The following TRIM77 variants were observed in gnomAD, a reference collection of about 807,000 sequenced individuals.
TRIM77 encodes the protein tripartite motif-containing protein 77.
Under a neutral mutation model 31.8 loss-of-function variants are expected in TRIM77, and 23 were observed. That is an observed-to-expected ratio of 0.72 (90% CI 0.52 to 1.02). The LOEUF is 1.02. Among genes scored for constraint, TRIM77 ranks in the 50% least tolerant of loss-of-function variants. TRIM77 has a pLI of 0.00. For missense variants in TRIM77, 446 were observed against 539.2 expected, an observed-to-expected ratio of 0.83 and a Z score of 1.71; for synonymous variants, 159 against 183.1, an observed-to-expected ratio of 0.87 and a Z score of 1.06.
At position 89,715,142 on chromosome 11, in the gene TRIM77, C is replaced by T; in HGVS notation, c.739-16C>T. ...ATGTTGTGCTGCAAACTAAGCAATC[C>T]TCTCTCTCTTTATAGGATTTGGGAG... On this transcript the variant is annotated splice_polypyrimidine_tract_variant and intron_variant, in intron 3 of 5. Transcript: ENST00000398290. 6.4e-7 allele frequency: 1 copy of T among 1,550,566 alleles called. No individual in the cohort carries two copies. The highest frequency in any genetic ancestry group is 8.7e-7 in the Non-Finnish European group (1 of 1,146,106).
Position 89,710,334 on chromosome 11 carries a change from G to T in TRIM77, c.36G>T (p.Glu12Asp), listed in dbSNP as rs1223759806. The T allele has an allele frequency of 4.5e-6, 7 of 1,542,164 alleles. No homozygotes were observed. Among genetic ancestry groups the T allele is most frequent in the Middle Eastern group, 1.7e-4 (1 of 5,994 alleles). Residue 12 changes from glutamate to aspartate, a missense_variant, in exon 1 of 6, where the codon GAG becomes GAT. Around this residue, in one of 3 missense-constraint regions of TRIM77, gnomAD observed 72 missense variants for 64.7 expected, o/e 1.11. Coordinates refer to ENST00000398290, the MANE Select transcript of TRIM77 (RefSeq NM_001146162.1). Reference sequence around the variant, plus strand: ...CTATCACGCAGTGTTCTACCAGTGAGCTCACCTGCTCGATCTGCACAGACT... The same window carrying T: ...CTATCACGCAGTGTTCTACCAGTGATCTCACCTGCTCGATCTGCACAGACT... ...ASAITQCSTS[E>D]LTCSICTDYL...
Position 89,710,611 on chromosome 11 carries a change from G to C in TRIM77, c.313G>C (p.Glu105Gln). 1 of 1,551,458 alleles carries C rather than the reference G, an allele frequency of 6.4e-7. No homozygotes were observed. The highest frequency in any genetic ancestry group is 8.7e-7 in the Non-Finnish European group (1 of 1,146,844). Reference sequence around the variant, plus strand: ...CCAGGAAATCAAGAACCTCATCTGTGAAACTGATAGGAGCCTGCTGTGTTT... The same window carrying C: ...CCAGGAAATCAAGAACCTCATCTGTCAAACTGATAGGAGCCTGCTGTGTTT... ...RHQEIKNLIC[E>Q]TDRSLLCFLC... Residue 105 changes from glutamate (E) to glutamine (Q), a missense_variant, in exon 1 of 6, where the codon GAA becomes CAA. Glu to Gln is a conservative substitution (Grantham distance 29, BLOSUM62 2). Transcript: ENST00000398290.
At chr11:89,714,122 G>A in intron 2 of TRIM77, 70 bp from the exon 3 acceptor site, 1 of 1,010,408 alleles carries the variant, frequency 9.9e-7, no homozygotes, top group Non-Finnish European at 1.5e-6. Flanking sequence ...ATGAAACAAA[G>A]CAGAATAGCT....
At chr11:89,715,840 T>G in intron 4 of TRIM77, 50 bp from the exon 5 acceptor site, 1 of 1,255,224 alleles carries the variant, frequency 8.0e-7, no homozygotes, top group Non-Finnish European at 1.1e-6. Flanking sequence ...AGTGGATTGC[T>G]AATGATTCCT....
At position 89,710,706 on chromosome 11, in the gene TRIM77, T is replaced by C. The variant is rs1197343920; in HGVS notation, c.408T>C (p.Tyr136=). 1.1e-5 allele frequency: 17 copies of C among 1,525,636 alleles called. No homozygotes were observed. The South Asian group carries it at 1.1e-4, about 10-fold the overall frequency. 94.5% of individuals were successfully genotyped at this position (1,525,636 alleles called of 1,614,324 possible). A position where few individuals can be genotyped will look rare whatever the true frequency, so the allele number is the denominator to read the frequency against. ...TGACAAGGGAGGCTGATGAATACTA[T>C]AGGGTAAGTAAATGCTACTGATTGC... The part of the protein sequence containing the change: ...HYMTREADEY[Y]RKKLLIQMKS... The change falls in exon 1 of 6, where the codon TAT becomes TAC. Residue 136 remains tyrosine, a synonymous_variant. Transcript: ENST00000398290.
intron 1 of TRIM77, among the ~76,000 whole-genome samples, chr11:89,710,943 A>T (rs576538803): frequency 6.6e-6 from 1 of 152,306 alleles, no homozygotes; most frequent in Non-Finnish European, 1.5e-5. Flanking sequence ...GAGAAGAATG[A>T]TGATAAAGTT....
At chr11:89,710,816 T>C (rs1268397917) in intron 1 of TRIM77, 107 bp downstream of exon 1, 20 of 993,466 alleles carry the variant, frequency 2.0e-5, no homozygotes, top group Non-Finnish European at 2.7e-5. Flanking sequence ...TTTTATGCAA[T>C]AAACAAACAG....
chr11:89,714,432 G>T lies in TRIM77; in HGVS notation c.738+10G>T. 6.5e-7 allele frequency: 1 copy of T among 1,541,628 alleles called. No individual in the cohort carries two copies. The highest frequency in any genetic ancestry group is 1.2e-5 in the South Asian group (1 of 83,506). ...TGTGAACCTGCCTCAGGTAAAAACT[G>T]AAGGAGATCAGGGTGCTGAACACCA... On this transcript the variant is annotated intron_variant, in intron 3 of 5. Coordinates refer to ENST00000398290, the MANE Select transcript of TRIM77 (RefSeq NM_001146162.1).
chr11:89,714,937 C>T (rs1949149673), intron 3 of TRIM77, among the ~76,000 whole-genome samples: 2 of 152,156 alleles, frequency 1.3e-5, no homozygotes, highest in Admixed American at 1.3e-4. Context: ...GTCCATCTGA[C>T]TATGTTTCAT....
Position 89,715,065 on chromosome 11 carries a change from C to T in TRIM77, c.739-93C>T, listed in dbSNP as rs960352222. On this transcript the variant is annotated intron_variant, in intron 3 of 5. Transcript: ENST00000398290. Reference sequence around the variant, plus strand: ...AGGAAAGTGGAAGACGTTAAGTTTTCCAATTCAGTCCATATCCTCAGACTG... The same window carrying T: ...AGGAAAGTGGAAGACGTTAAGTTTTTCAATTCAGTCCATATCCTCAGACTG... The T allele has an allele frequency of 5.6e-6, 7 of 1,247,420 alleles. No homozygotes were observed. In the African/African-American group the frequency reaches 1.1e-4, roughly 19 times the overall value. The allele number at this position is 1,247,420 out of a possible 1,614,324, so 77.3% of individuals were successfully genotyped here. A position where few individuals can be genotyped will look rare whatever the true frequency, so the allele number is the denominator to read the frequency against.
intron 1 of TRIM77, among the ~76,000 whole-genome samples, chr11:89,711,117 G>C (rs1245350097): frequency 1.3e-5 from 2 of 152,126 alleles, no homozygotes; most frequent in Non-Finnish European, 2.9e-5. Flanking sequence ...GATAAGTTGA[G>C]GGCTAGCATT....
chr11:89,715,929 C>A lies in TRIM77; in HGVS notation c.801C>A (p.Asn267Lys), dbSNP rs1190410578. ...GGCTGGCCATGCCTCAGCCTGTGAA[C>A]CCACAGCTCAGTGCATGGACCATCA... Reference protein sequence around the residue: ...FLRLAMPQPVNPQLSAWTITG... With the variant: ...FLRLAMPQPVKPQLSAWTITG... The change falls in exon 5 of 6, where the codon AAC becomes AAA. Residue 267 changes from asparagine (N) to lysine (K), a missense_variant. Asn to Lys is a moderately conservative substitution (Grantham distance 94). This residue lies in a region of TRIM77 where 366 missense variants were observed against 447.9 expected (regional missense o/e 0.82). Coordinates refer to ENST00000398290, the MANE Select transcript of TRIM77 (RefSeq NM_001146162.1). 6.5e-7 allele frequency: 1 copy of A among 1,546,232 alleles called. No homozygotes were observed. Among genetic ancestry groups the A allele is most frequent in the Non-Finnish European group, 8.8e-7 (1 of 1,142,854 alleles).
Position 89,711,442 on chromosome 11 carries a change from G to GAA in TRIM77, c.452_453dup (p.Gln152AsnfsTer8). The GAA allele has an allele frequency of 1.9e-5, 27 of 1,424,198 alleles. No homozygotes were observed. Among genetic ancestry groups the GAA allele is most frequent in the South Asian group, 4.2e-5 (3 of 72,136 alleles). The allele number at this position is 1,424,198 out of a possible 1,614,324, so 88.2% of individuals were successfully genotyped here. On this transcript the variant is annotated frameshift_variant, in exon 2 of 6. Transcript: ENST00000398290. LOFTEE classifies it high-confidence loss of function. ...TCCTGATTCAAATGAAGTCCATCTG[G>GAA]AAAAAAAAACAGAAAAATCAAAGAA...
intron 2 of TRIM77, among the ~76,000 whole-genome samples, chr11:89,712,166 G>C (rs1424383630): frequency 6.6e-6 from 1 of 152,132 alleles, no homozygotes; most frequent in African/African-American, 2.4e-5. Flanking sequence ...TATTCTCAAA[G>C]ATCTCAAGCA....
chr11:89,717,742 G>C lies in TRIM77; in HGVS notation c.1223G>C (p.Gly408Ala). Residue 408 changes from glycine (G) to alanine (A), a missense_variant, in exon 6 of 6, where the codon GGG becomes GCG. Physicochemically the swap from Gly to Ala is moderately conservative, Grantham distance 60. Transcript: ENST00000398290. ...HYIPRPQGWL[G>A]VFLDYECGIV... Reference sequence around the variant, plus strand: ...ATTCCAAGGCCCCAAGGCTGGCTAGGGGTGTTCCTGGATTATGAATGTGGG... The same window carrying C: ...ATTCCAAGGCCCCAAGGCTGGCTAGCGGTGTTCCTGGATTATGAATGTGGG... 6.4e-7 allele frequency: 1 copy of C among 1,551,240 alleles called. No homozygotes were observed. The highest frequency in any genetic ancestry group is 8.7e-7 in the Non-Finnish European group (1 of 1,146,722).
intron 4 of TRIM77, among the ~76,000 whole-genome samples, chr11:89,715,684 T>C (rs1464953921): frequency 1.3e-5 from 2 of 152,178 alleles, no homozygotes; most frequent in African/African-American, 4.8e-5. Context: ...TAATTATGAC[T>C]GGGATAACAT....
At chr11:89,712,940 C>T (rs148006915) in intron 2 of TRIM77, among the ~76,000 whole-genome samples, 60 of 151,932 alleles carry the variant, frequency 3.9e-4, no homozygotes, top group African/African-American at 1.3e-3. Context: ...AAAATTTGCA[C>T]GTATTTAAAG....
At position 89,710,454 on chromosome 11, in the gene TRIM77, C is replaced by G; in HGVS notation, c.156C>G (p.Cys52Trp). 6.4e-7 allele frequency: 1 copy of G among 1,551,672 alleles called. No individual in the cohort carries two copies. The highest frequency in any genetic ancestry group is 8.7e-7 in the Non-Finnish European group (1 of 1,146,948). ...AAGATACACTAACTCCTAATTGCTG[C>G]CCTGTGTGCAGGGAAATATCACAGC... ...LWEDTLTPNC[C>W]PVCREISQQM... Residue 52 changes from cysteine to tryptophan, a missense_variant, in exon 1 of 6, where the codon TGC becomes TGG. Transcript: ENST00000398290.
At chr11:89,712,941 G>A (rs954160143) in intron 2 of TRIM77, among the ~76,000 whole-genome samples, 8 of 152,102 alleles carry the variant, frequency 5.3e-5, no homozygotes, top group East Asian at 1.9e-4. Context: ...AAATTTGCAC[G>A]TATTTAAAGG....
Sources: allele counts gnomAD v4.1 joint callset (sites outside exome capture counted in the v4.1 genomes callset), GRCh38; gene constraint gnomAD v4.1.1; regional missense constraint gnomAD v4.1.1; transcripts MANE v1.5; gene names NCBI Gene and HGNC (gene_info 2026-07-23, HGNC 2026-07-21).